TEX11: variants seen among roughly 807,000 people sequenced by gnomAD.
TEX11 encodes testis expressed 11, also known as testis-expressed protein 11.
In TEX11, 7 loss-of-function variants were observed where a neutral mutation model predicts 84.4. The ratio of observed to expected loss-of-function variants is 0.08; its 90% confidence interval spans 0.05 to 0.16. The LOEUF (loss-of-function observed/expected upper bound fraction) is 0.16. Among genes scored for constraint, TEX11 ranks in the 10% least tolerant of loss-of-function variants. TEX11 has a pLI of 1.00. For synonymous variants in TEX11, 264 were observed against 222.8 expected (o/e 1.18, Z -1.64); for missense variants, 551 against 660.5 (o/e 0.83, Z 1.82).
the TEX11 span, among the ~76,000 whole-genome samples, chrX:70,519,828 T>A: frequency 1.1e-4 from 12 of 111,784 alleles, no homozygotes; most frequent in African/African-American, 3.9e-4. Context: ...TTACTCTTTT[T>A]TCTCTAAACT....
rs1412987331 is a variant in TEX11 at position 70,880,049 on chromosome X, C to T, written c.98G>A (p.Arg33Lys). ...NSPNIPEAID[R>K]LFSDIANINR... ...GATATTTGCTATGTCGCTGAAGAGT[C>T]TATCAATTGCCTCTGGTATGTTAGG... The change falls in exon 3 of 30, where the codon AGA becomes AAA. Residue 33 changes from arginine to lysine, a missense_variant. By Grantham distance (26) the Arg-to-Lys change is conservative. Transcript: ENST00000374333. 1.7e-6 allele frequency: 2 copies of T among 1,181,979 alleles called. No individual in the cohort carries two copies. Among genetic ancestry groups the T allele is most frequent in the Non-Finnish European group, 2.3e-6 (2 of 871,961 alleles).
intron 13 of TEX11, among the ~76,000 whole-genome samples, chrX:70,685,931 T>TC (rs2090185012): frequency 8.9e-6 from 1 of 111,981 alleles, no homozygotes; most frequent in African/African-American, 3.2e-5. Flanking sequence ...GTTTTTTTTT[T>TC]CTTGTAAATT....
chrX:70,892,051 A>G (rs2091740910), intron 2 of TEX11, among the ~76,000 whole-genome samples: 1 of 111,933 alleles, frequency 8.9e-6, no homozygotes, highest in African/African-American at 3.3e-5. Context: ...GAAACCCTAC[A>G]AGCCAGAAGA....
intron 13 of TEX11, among the ~76,000 whole-genome samples, chrX:70,716,969 T>A (rs1306237643): frequency 8.9e-6 from 1 of 112,548 alleles, no homozygotes; most frequent in Non-Finnish European, 1.9e-5. Context: ...AATGTTAATG[T>A]CAGAGAGTAA....
At chrX:70,752,342 T>C (rs976088467) in intron 9 of TEX11, among the ~76,000 whole-genome samples, 1 of 109,157 alleles carries the variant, frequency 9.2e-6, no homozygotes, top group Non-Finnish European at 1.9e-5. Context: ...TTGGCCAGCA[T>C]GGAGAAACCC....
At chrX:70,572,654 T>C (rs773212674) in intron 25 of TEX11, among the ~76,000 whole-genome samples, 7 of 110,319 alleles carry the variant, frequency 6.3e-5, no homozygotes, top group South Asian at 4.0e-4. Flanking sequence ...ATGTACACCA[T>C]GGAATACTAT....
intron 14 of TEX11, among the ~76,000 whole-genome samples, chrX:70,679,379 A>T (rs1260349411): frequency 9.2e-6 from 1 of 108,137 alleles, no homozygotes; most frequent in Non-Finnish European, 1.9e-5. Flanking sequence ...GGAAGTGAGG[A>T]GCGTCTCTGC....
At chrX:70,661,303 T>G (rs1004373215) in intron 16 of TEX11, among the ~76,000 whole-genome samples, 1 of 112,149 alleles carries the variant, frequency 8.9e-6, no homozygotes, top group Non-Finnish European at 1.9e-5. Context: ...GAGATCAAAC[T>G]GCAAGGCGGC....
intron 24 of TEX11, among the ~76,000 whole-genome samples, chrX:70,601,896 C>A (rs888891857): frequency 1.6e-4 from 18 of 110,555 alleles, no homozygotes; most frequent in African/African-American, 5.6e-4. Context: ...AAGAATTTCT[C>A]TTAGTACAGA....
At chrX:70,739,751 T>C (rs2090721700) in intron 11 of TEX11, among the ~76,000 whole-genome samples, 1 of 111,851 alleles carries the variant, frequency 8.9e-6, no homozygotes, top group Non-Finnish European at 1.9e-5. Flanking sequence ...CAGTGTTCCT[T>C]GTCCAGGAGT....
the TEX11 span, among the ~76,000 whole-genome samples, chrX:70,511,540 G>A: frequency 3.7e-5 from 4 of 108,181 alleles, no homozygotes; most frequent in South Asian, 1.2e-3. Flanking sequence ...GGATCACAAG[G>A]TCAGAAGTTC....
intron 7 of TEX11, among the ~76,000 whole-genome samples, chrX:70,834,496 C>A (rs919925830): frequency 9.0e-6 from 1 of 111,549 alleles, no homozygotes; most frequent in East Asian, 2.8e-4. Context: ...TGGCTCACGC[C>A]TATAATCCCA....
At chrX:70,810,711 G>A (rs1255639789) in intron 8 of TEX11, among the ~76,000 whole-genome samples, 4 of 110,292 alleles carry the variant, frequency 3.6e-5, no homozygotes, top group Non-Finnish European at 7.6e-5. Context: ...GTTAATGGAT[G>A]CAGCAAACCA....
At chrX:70,805,440 G>A (rs377513010) in intron 9 of TEX11, among the ~76,000 whole-genome samples, 4 of 101,926 alleles carry the variant, frequency 3.9e-5, no homozygotes, top group East Asian at 3.0e-4. Flanking sequence ...TCTCTCTGTC[G>A]CTCAGGCTGG....
chrX:70,653,537 G>A (rs1330306200), intron 16 of TEX11, among the ~76,000 whole-genome samples: 1 of 111,723 alleles, frequency 9.0e-6, no homozygotes, highest in African/African-American at 3.3e-5. Flanking sequence ...ACACTTTAAC[G>A]ACATATAATG....
intron 7 of TEX11, among the ~76,000 whole-genome samples, chrX:70,845,562 T>A (rs921856359): frequency 9.0e-6 from 1 of 110,868 alleles, no homozygotes; most frequent in Non-Finnish European, 1.9e-5. Flanking sequence ...GCACACTGGG[T>A]CACGCCCGTA....
intron 9 of TEX11, among the ~76,000 whole-genome samples, chrX:70,785,542 T>C (rs1247962995): frequency 9.0e-6 from 1 of 111,241 alleles, no homozygotes; most frequent in Non-Finnish European, 1.9e-5. Flanking sequence ...ACCTACAAAA[T>C]GGGAGAAAAT....
At position 70,907,630 on chromosome X, in the gene TEX11, G is replaced by C. The variant is rs1052594526; in HGVS notation, c.37+123C>G. 15 of 505,831 alleles carry C rather than the reference G, an allele frequency of 3.0e-5. No homozygotes were observed. In the East Asian group the frequency reaches 5.5e-4, roughly 19 times the overall value. The allele number at this position is 505,831 out of a possible 1,213,427, so 41.7% of individuals were successfully genotyped here. ...GCTGGTCTCGAGCCCCTGACCTCGTGATCCGCCCGCCTCGGCCTCCCAAAG... is the reference window on the plus strand; with the variant it reads ...GCTGGTCTCGAGCCCCTGACCTCGTCATCCGCCCGCCTCGGCCTCCCAAAG... On this transcript the variant is annotated intron_variant, in intron 2 of 29. Coordinates refer to ENST00000374333, the MANE Select transcript of TEX11 (RefSeq NM_031276.3).
In TEX11 at chrX:70,714,955, G is replaced by T. The variant is rs767764431; in HGVS notation, c.1004+7663C>A. ...CCGGTTGTTCCTTTCTATGTTTAGT[G>T]CTTCCTTCAGGAGCTCTTTTAGGGC... On this transcript the variant is annotated intron_variant, in intron 13 of 29. Transcript: ENST00000374333. 2.7e-5 allele frequency among the ~76,000 whole-genome samples: 3 copies of T among 111,438 alleles called. No individual in the cohort carries two copies. In the East Asian group the frequency reaches 8.4e-4, roughly 31 times the overall value.
Sources: allele counts gnomAD v4.1 joint callset (sites outside exome capture counted in the v4.1 genomes callset), GRCh38; gene constraint gnomAD v4.1.1; transcripts MANE v1.5; gene names NCBI Gene and HGNC (gene_info 2026-07-23, HGNC 2026-07-21).